The following TACR1 variants were observed in gnomAD, a reference collection of about 807,000 sequenced individuals.
TACR1 encodes tachykinin receptor 1.
A neutral mutation model predicts 35.8 loss-of-function variants in TACR1; 25 were observed. The ratio of observed to expected loss-of-function variants is 0.70; its 90% CI spans 0.51 to 0.98. TACR1 has a LOEUF of 0.98. TACR1 is among the 50% of genes least tolerant of loss of function. TACR1 has a pLI of 0.00. For synonymous variants in TACR1, 195 were observed against 206.7 expected (o/e 0.94, Z 0.48); for missense variants, 478 against 522.9 (o/e 0.91, Z 0.84).
intron 2 of TACR1, among the ~76,000 whole-genome samples, chr2:75,085,526 C>G (rs1264067097): frequency 1.3e-5 from 2 of 152,172 alleles, no homozygotes; most frequent in Non-Finnish European, 2.9e-5. Flanking sequence ...ATTACTTATA[C>G]TTCAGAATAT....
intron 2 of TACR1, among the ~76,000 whole-genome samples, chr2:75,063,070 C>T (rs967556182): frequency 6.6e-6 from 1 of 152,168 alleles, no homozygotes; most frequent in African/African-American, 2.4e-5. Flanking sequence ...GGAAACTCCT[C>T]TTTTTAAAAC....
chr2:75,128,634 A>G (rs983050116), intron 1 of TACR1, among the ~76,000 whole-genome samples: 4 of 152,148 alleles, frequency 2.6e-5, no homozygotes, highest in African/African-American at 9.7e-5. Flanking sequence ...GCTGGGGTGA[A>G]GCAGGAAGAC....
At chr2:75,122,113 A>G (rs1673982200) in intron 1 of TACR1, among the ~76,000 whole-genome samples, 1 of 152,200 alleles carries the variant, frequency 6.6e-6, no homozygotes, top group East Asian at 1.9e-4. Context: ...GAAAAGGTGC[A>G]TCAATAAGCA....
At chr2:75,068,348 C>T (rs749042151) in intron 2 of TACR1, among the ~76,000 whole-genome samples, 2 of 152,234 alleles carry the variant, frequency 1.3e-5, no homozygotes, top group Middle Eastern at 6.8e-3. Context: ...TTAGTTAAAG[C>T]CAACTCTTTG....
intron 2 of TACR1, among the ~76,000 whole-genome samples, chr2:75,087,665 C>T (rs1673214597): frequency 6.6e-6 from 1 of 152,126 alleles, no homozygotes; most frequent in African/African-American, 2.4e-5. Context: ...TCAGTGACTC[C>T]CCTCACCTCT....
chr2:75,155,418 T>G (rs1339916552), intron 1 of TACR1, among the ~76,000 whole-genome samples: 4 of 152,052 alleles, frequency 2.6e-5, no homozygotes, highest in Non-Finnish European at 5.9e-5. Flanking sequence ...TACATGCCCT[T>G]CTTCCCCCTT....
Position 75,049,208 on chromosome 2 carries a change from G to A in TACR1, c.*224C>T. ...CCTTTTATTTTACAGGCTCAGCAAAGTTCAGTGATTTGGTTTGAGTCACAC... is the reference window on the plus strand; with the variant it reads ...CCTTTTATTTTACAGGCTCAGCAAAATTCAGTGATTTGGTTTGAGTCACAC... On this transcript the variant is annotated 3_prime_UTR_variant, in exon 5 of 5. Transcript: ENST00000305249. The A allele has an allele frequency of 5.5e-6, 3 of 546,850 alleles. No homozygotes were observed. Among genetic ancestry groups the A allele is most frequent in the Non-Finnish European group, 9.6e-6 (3 of 313,382 alleles). The allele number at this position is 546,850 out of a possible 1,614,324, so 33.9% of individuals were successfully genotyped here.
At chr2:75,056,715 G>A (rs1395604703) in intron 2 of TACR1, among the ~76,000 whole-genome samples, 2 of 152,010 alleles carry the variant, frequency 1.3e-5, no homozygotes, top group Non-Finnish European at 2.9e-5. Flanking sequence ...AGATAAATAC[G>A]TAAACATAAT....
At chr2:75,065,627 GGGGGTTGT>G (rs3836191) in intron 2 of TACR1, among the ~76,000 whole-genome samples, 16,154 of 152,132 alleles carry the variant, frequency 0.11, 1,168 homozygotes, top group East Asian at 0.31. Context: ...GGCTGGGGTT[GGGGGTTGT>G]GGGAGACGGA....
chr2:75,171,821 G>A (rs755861052), intron 1 of TACR1, among the ~76,000 whole-genome samples: 4 of 152,120 alleles, frequency 2.6e-5, no homozygotes, highest in Non-Finnish European at 5.9e-5. Context: ...CTTTATCCCC[G>A]TTGTATCTAG....
At chr2:75,141,426 A>G (rs185266338) in intron 1 of TACR1, among the ~76,000 whole-genome samples, 168 of 152,302 alleles carry the variant, frequency 1.1e-3, no homozygotes, top group Non-Finnish European at 2.2e-3. Context: ...CAAAGCTGCC[A>G]TGCAGAGGGA....
chr2:75,082,372 C>A (rs1196785991), intron 2 of TACR1, among the ~76,000 whole-genome samples: 2 of 152,148 alleles, frequency 1.3e-5, no homozygotes, highest in Non-Finnish European at 2.9e-5. Flanking sequence ...GTGAGTAGTG[C>A]CACAATAAAC....
intron 2 of TACR1, among the ~76,000 whole-genome samples, chr2:75,082,153 G>A (rs1457563712): frequency 6.6e-6 from 1 of 151,962 alleles, no homozygotes; most frequent in Non-Finnish European, 1.5e-5. Flanking sequence ...TCCCATCTAT[G>A]AGTGAGAACA....
At chr2:75,087,612 G>C (rs916681640) in intron 2 of TACR1, among the ~76,000 whole-genome samples, 3 of 152,184 alleles carry the variant, frequency 2.0e-5, no homozygotes, top group Non-Finnish European at 2.9e-5. Flanking sequence ...ATTAAACGCC[G>C]TGTTGTGCTA....
intron 1 of TACR1, among the ~76,000 whole-genome samples, chr2:75,172,419 C>A (rs1025779991): frequency 6.6e-6 from 1 of 152,176 alleles, no homozygotes; most frequent in Non-Finnish European, 1.5e-5. Flanking sequence ...ATTCTTTAAT[C>A]TGAGAAGGAA....
chr2:75,049,329 A>G lies in TACR1; in HGVS notation c.*103T>C. ...CATACTGACCCTTTTTGCAAGTCCC[A>G]GTGTGAGGGTGTTTCTGATGGTTCC... is the stretch of plus-strand genomic sequence containing the variant. On this transcript the variant is annotated 3_prime_UTR_variant, in exon 5 of 5. Transcript: ENST00000305249. 3 of 1,308,518 alleles carry G rather than the reference A, an allele frequency of 2.3e-6. No individual in the cohort carries two copies. The highest frequency in any genetic ancestry group is 3.2e-6 in the Non-Finnish European group (3 of 951,242). 81.1% of individuals were successfully genotyped at this position (1,308,518 alleles called of 1,614,324 possible).
rs6715729 is a variant in TACR1, at chr2:75,198,602, A to G, written c.333T>C (p.Phe111=). The change falls in exon 1 of 5, where the codon TTT becomes TTC. Residue 111 remains phenylalanine (F), a synonymous_variant. Transcript: ENST00000305249. ...TACTGGCGAAGACAGCGGCGATGGG[A>G]AAGAAGTTGTGGAACTTGCAGTAGA... ...GLFYCKFHNF[F]PIAAVFASIY... is the part of the protein sequence containing the mutation. 0.49 allele frequency: 786,224 copies of G among 1,613,960 alleles called. 198,090 individuals are homozygous for G. Among genetic ancestry groups the G allele is most frequent in the African/African-American group, 0.86 (64,442 of 74,996 alleles).
chr2:75,181,420 C>T (rs1442484935), intron 1 of TACR1, among the ~76,000 whole-genome samples: 6 of 152,216 alleles, frequency 3.9e-5, no homozygotes, highest in East Asian at 3.9e-4. Flanking sequence ...CTCCAGACCA[C>T]GGGTTCTTAA....
At chr2:75,144,320 G>T (rs1277881964) in intron 1 of TACR1, among the ~76,000 whole-genome samples, 3 of 152,198 alleles carry the variant, frequency 2.0e-5, no homozygotes, top group Admixed American at 6.5e-5. Context: ...AGCACAACAT[G>T]AGTTCTCTTT....
Sources: gnomAD v4.1 joint callset for allele counts (sites outside exome capture counted in the v4.1 genomes callset) on GRCh38, gnomAD v4.1.1 for gene constraint, MANE v1.5 for transcripts, NCBI Gene and HGNC (gene_info 2026-07-23, HGNC 2026-07-21) for gene names.